DENND1A: variants seen among roughly 807,000 people sequenced by gnomAD.
The protein encoded by DENND1A is DENN domain-containing protein 1A.
A neutral mutation model predicts 113.7 loss-of-function variants in DENND1A; 51 were observed. The observed-to-expected ratio is 0.45, with a 90% CI of 0.36 to 0.57. DENND1A has a LOEUF of 0.57. Among genes scored for constraint, DENND1A ranks in the 20% least tolerant of loss-of-function variants. DENND1A has a pLI of 0.00. For synonymous variants in DENND1A, 565 were observed against 570.8 expected (o/e 0.99, Z 0.14); for missense variants, 1,258 against 1,395.9 (o/e 0.90, Z 1.57).
intron 13 of DENND1A, among the ~76,000 whole-genome samples, chr9:123,556,896 CT>C (rs1231230855): frequency 6.6e-6 from 1 of 152,252 alleles, no homozygotes; most frequent in African/African-American, 2.4e-5. Flanking sequence ...CAGAGAAGAC[CT>C]GCTGTCTTCA....
intron 13 of DENND1A, among the ~76,000 whole-genome samples, chr9:123,552,269 G>A (rs928389025): frequency 2.0e-5 from 3 of 152,162 alleles, no homozygotes; most frequent in African/African-American, 7.2e-5. Flanking sequence ...GGAGGTGGGC[G>A]AGGGCAGGGT....
At chr9:123,628,164 C>A (rs375800192) in intron 10 of DENND1A, among the ~76,000 whole-genome samples, 1 of 151,770 alleles carries the variant, frequency 6.6e-6, no homozygotes, top group Non-Finnish European at 1.5e-5. Flanking sequence ...CTATAGATGG[C>A]AAAACAGTGC....
chr9:123,552,894 A>G (rs1407765516), intron 13 of DENND1A, among the ~76,000 whole-genome samples: 2 of 152,232 alleles, frequency 1.3e-5, no homozygotes, highest in East Asian at 3.8e-4. Context: ...AATTCAAACC[A>G]TGCATAAAGA....
chr9:123,673,362 C>A (rs535427972), intron 6 of DENND1A, among the ~76,000 whole-genome samples: 1 of 152,286 alleles, frequency 6.6e-6, no homozygotes, highest in Admixed American at 6.5e-5. Flanking sequence ...TGTTTTGATG[C>A]TCAAATTGTT....
chr9:123,907,567 G>T, intron 1 of DENND1A, among the ~76,000 whole-genome samples: 1 of 137,932 alleles, frequency 7.2e-6, no homozygotes, highest in African/African-American at 2.7e-5. Context: ...CAAACAGAGA[G>T]CCAAATCATG....
At chr9:123,810,941 T>G (rs1215034934) in intron 2 of DENND1A, among the ~76,000 whole-genome samples, 1 of 151,728 alleles carries the variant, frequency 6.6e-6, no homozygotes, top group East Asian at 1.9e-4. Flanking sequence ...GTACATTTAG[T>G]AGAGACAGGG....
rs2808409 is a variant in DENND1A, at chr9:123,382,479, T to C, written c.2166A>G (p.Ser722=). 1 allele frequency: 1,613,484 copies of C among 1,613,940 alleles called. 806,515 individuals carry two copies. Among genetic ancestry groups the C allele is most frequent in the Middle Eastern group, 1 (6,060 of 6,060 alleles). ...GGGCCAGGGAGTTTCCGAGCAGGGCTGAGGGCTTCTCAGGGGAGGCAGCTG... is the reference window on the plus strand; with the variant it reads ...GGGCCAGGGAGTTTCCGAGCAGGGCCGAGGGCTTCTCAGGGGAGGCAGCTG... ...KPPAASPEKP[S]ALLGNSLALP... The change falls in exon 24 of 24, where the codon TCA becomes TCG. Residue 722 remains serine (S), a synonymous_variant. Transcript: ENST00000394215.
chr9:123,537,924 C>T (rs1481519743), intron 13 of DENND1A, among the ~76,000 whole-genome samples: 1 of 152,186 alleles, frequency 6.6e-6, no homozygotes, highest in East Asian at 1.9e-4. Flanking sequence ...GAGCAAGTGT[C>T]AGGCAATAAA....
chr9:123,495,162 T>TCTCTCTCTCC (rs1352268646), intron 13 of DENND1A, among the ~76,000 whole-genome samples: 2 of 151,558 alleles, frequency 1.3e-5, no homozygotes. Context: ...TCTCTCTCTC[T>TCTCTCTCTCC]CTCTCTCTTA....
At chr9:123,922,870 A>G (rs1039355483) in intron 1 of DENND1A, among the ~76,000 whole-genome samples, 1 of 152,214 alleles carries the variant, frequency 6.6e-6, no homozygotes, top group East Asian at 1.9e-4. Flanking sequence ...ATAGGAACAT[A>G]TATGTATTTT....
intron 19 of DENND1A, among the ~76,000 whole-genome samples, chr9:123,412,204 C>A (rs2044360089): frequency 6.6e-6 from 1 of 152,192 alleles, no homozygotes; most frequent in Non-Finnish European, 1.5e-5. Flanking sequence ...CACTGCATGT[C>A]CCCCAAGACC....
chr9:123,395,468 C>CTGTGTGTGTGTGTGTGTG (rs60527655), intron 21 of DENND1A, among the ~76,000 whole-genome samples: 5 of 142,984 alleles, frequency 3.5e-5, no homozygotes, highest in African/African-American at 5.4e-5. Context: ...CTCTCTCTCT[C>CTGTGTGTGTGTGTGTGTG]TGTGTGTGTG....
chr9:123,507,164 G>A lies in DENND1A; in HGVS notation c.994-49267C>T, dbSNP rs145815241. Among the ~76,000 whole-genome samples, 5 of 152,260 alleles carry A rather than the reference G, an allele frequency of 3.3e-5. No homozygotes were observed. In the East Asian group the frequency reaches 9.6e-4, roughly 29 times the overall value. On this transcript the variant is annotated intron_variant, in intron 13 of 23. Transcript: ENST00000394215. ...AGATTGTACCATTGCACTCCAGCCT[G>A]GGCGACAGAGTGAGACTCCGTCTCA...
At chr9:123,645,145 G>T (rs914199321) in intron 9 of DENND1A, among the ~76,000 whole-genome samples, 1 of 152,112 alleles carries the variant, frequency 6.6e-6, no homozygotes, top group Non-Finnish European at 1.5e-5. Flanking sequence ...CAATGTTATT[G>T]ACCGAGAAAC....
intron 19 of DENND1A, among the ~76,000 whole-genome samples, chr9:123,427,177 A>T (rs1389006953): frequency 6.6e-6 from 1 of 152,230 alleles, no homozygotes; most frequent in Non-Finnish European, 1.5e-5. Flanking sequence ...CACAAGCACA[A>T]ATCTGGGCCT....
In DENND1A at chr9:123,600,746, G is replaced by A. The variant is rs1015878411; in HGVS notation, c.765+8690C>T. Among the ~76,000 whole-genome samples the A allele has an allele frequency of 5.9e-5, 9 of 151,982 alleles. No homozygotes were observed. In the East Asian group the frequency reaches 1.4e-3, roughly 23 times the overall value. ...CTTGGGACGCTGAGGCAGGAGAATC[G>A]CTTGAACCCAGGAGGCGGAGGATGC... On this transcript the variant is annotated intron_variant, in intron 11 of 23. Transcript: ENST00000394215.
chr9:123,625,472 G>A (rs945441157), intron 10 of DENND1A, among the ~76,000 whole-genome samples: 8 of 152,238 alleles, frequency 5.3e-5, no homozygotes, highest in Non-Finnish European at 1.0e-4. Context: ...GGCCACACAT[G>A]GTAGCTCATG....
chr9:123,641,294 A>C (rs2062012243), intron 9 of DENND1A, among the ~76,000 whole-genome samples: 1 of 152,182 alleles, frequency 6.6e-6, no homozygotes, highest in South Asian at 2.1e-4. Context: ...TGATTCTTTA[A>C]AATTCTGATT....
At chr9:123,858,939 T>C (rs1326310333) in intron 2 of DENND1A, among the ~76,000 whole-genome samples, 1 of 152,088 alleles carries the variant, frequency 6.6e-6, no homozygotes, top group Non-Finnish European at 1.5e-5. Context: ...CATACAAAAA[T>C]GCATACCAAA....
Sources: allele counts gnomAD v4.1 joint callset (sites outside exome capture counted in the v4.1 genomes callset), GRCh38; gene constraint gnomAD v4.1.1; transcripts MANE v1.5; gene names NCBI Gene and HGNC (gene_info 2026-07-23, HGNC 2026-07-21).